The following NRXN1 variants were observed in gnomAD, a reference collection of about 807,000 sequenced individuals.
The protein encoded by NRXN1 is neurexin 1.
In NRXN1, 39 loss-of-function variants were observed where a neutral mutation model predicts 150.9. The ratio of observed to expected loss-of-function variants is 0.26; its 90% confidence interval spans 0.20 to 0.34. NRXN1 has a LOEUF of 0.34. Among genes scored for constraint, NRXN1 ranks in the 10% least tolerant of loss-of-function variants. The probability of loss-of-function intolerance (pLI) is 1.00; values close to 1 mark genes in which losing one functional copy is unlikely to be tolerated. For synonymous variants in NRXN1, 924 were observed against 757.0 expected (o/e 1.22, Z -3.62); for missense variants, 1,815 against 1,949.9 (o/e 0.93, Z 1.30).
intron 8 of NRXN1, among the ~76,000 whole-genome samples, chr2:50,618,211 C>T (rs1679355063): frequency 6.6e-6 from 1 of 152,068 alleles, no homozygotes; most frequent in African/African-American, 2.4e-5. Flanking sequence ...ACTTTCCATC[C>T]CTAGAATGGA....
At chr2:50,161,042 G>A (rs2059334334) in intron 18 of NRXN1, among the ~76,000 whole-genome samples, 1 of 151,988 alleles carries the variant, frequency 6.6e-6, no homozygotes, top group African/African-American at 2.4e-5. Flanking sequence ...CATTTTAGGG[G>A]AACAATTATA....
At chr2:50,318,136 G>A (rs1035884487) in intron 17 of NRXN1, among the ~76,000 whole-genome samples, 7 of 151,704 alleles carry the variant, frequency 4.6e-5, no homozygotes, top group African/African-American at 1.7e-4. Context: ...AATCTAATAG[G>A]AAAAAAATGG....
chr2:50,392,017 AACTT>A (rs1462146697), intron 17 of NRXN1, among the ~76,000 whole-genome samples: 6 of 152,116 alleles, frequency 3.9e-5, no homozygotes, highest in South Asian at 2.1e-4. Context: ...CAGATTATGA[AACTT>A]ACTTATTAAT....
chr2:50,621,566 G>A (rs1321851103), intron 6 of NRXN1, among the ~76,000 whole-genome samples: 1 of 152,080 alleles, frequency 6.6e-6, no homozygotes, highest in Non-Finnish European at 1.5e-5. Flanking sequence ...TTGTCTTCCT[G>A]AGTACATCTG....
intron 21 of NRXN1, among the ~76,000 whole-genome samples, chr2:49,982,942 G>T (rs902674907): frequency 1.3e-5 from 2 of 151,998 alleles, no homozygotes; most frequent in African/African-American, 4.8e-5. Flanking sequence ...TCTCAAGCAT[G>T]CTATGTTCTA....
At chr2:50,534,590 T>C (rs989418474) in intron 10 of NRXN1, among the ~76,000 whole-genome samples, 9 of 152,164 alleles carry the variant, frequency 5.9e-5, no homozygotes, top group Non-Finnish European at 1.2e-4. Context: ...AGAAATTTGA[T>C]CTTTACTTTT....
chr2:50,687,421 C>T (rs961263671), intron 5 of NRXN1, among the ~76,000 whole-genome samples: 3 of 152,016 alleles, frequency 2.0e-5, no homozygotes, highest in African/African-American at 4.8e-5. Flanking sequence ...CATTACTGTA[C>T]CATGTGGTTA....
At chr2:50,359,717 G>T (rs369753668) in intron 17 of NRXN1, among the ~76,000 whole-genome samples, 2 of 152,142 alleles carry the variant, frequency 1.3e-5, no homozygotes, top group Middle Eastern at 3.4e-3. Context: ...TGCCCAACCC[G>T]CAAGACAGGC....
chr2:50,830,450 A>G (rs2105884447), intron 5 of NRXN1, among the ~76,000 whole-genome samples: 1 of 152,096 alleles, frequency 6.6e-6, no homozygotes. Context: ...AAGCTAATTT[A>G]AAAGCACTTG....
chr2:50,250,440 T>G (rs1279144672), intron 17 of NRXN1, among the ~76,000 whole-genome samples: 13 of 152,080 alleles, frequency 8.5e-5, no homozygotes, highest in African/African-American at 2.9e-4. Context: ...TTAATATTTT[T>G]TTTTTTTAGC....
intron 18 of NRXN1, among the ~76,000 whole-genome samples, chr2:50,152,480 A>C (rs1360403965): frequency 6.6e-6 from 1 of 151,796 alleles, no homozygotes; most frequent in African/African-American, 2.4e-5. Context: ...ACCTGAAATA[A>C]GGCATAGTAA....
At chr2:50,638,751 C>A (rs1203216247) in intron 5 of NRXN1, among the ~76,000 whole-genome samples, 1 of 152,100 alleles carries the variant, frequency 6.6e-6, no homozygotes, top group Non-Finnish European at 1.5e-5. Flanking sequence ...CAGTATATGG[C>A]AAAAATATTT....
In NRXN1 at chr2:50,347,564, G is replaced by C; in HGVS notation, c.3365-110594C>G. 4 of 1,019,888 alleles carry C rather than the reference G, an allele frequency of 3.9e-6. No individual in the cohort carries two copies. Among genetic ancestry groups the C allele is most frequent in the Non-Finnish European group, 3.5e-6 (3 of 850,580 alleles). 63.2% of individuals were successfully genotyped at this position (1,019,888 alleles called of 1,614,324 possible). On this transcript the variant is annotated intron_variant, in intron 17 of 22. Coordinates refer to ENST00000401669, the MANE Select transcript of NRXN1 (RefSeq NM_001330078.2). The surrounding 1 kb of genome is among the most constrained non-coding windows in gnomAD (Gnocchi z 4.9). ...CCCGGGCAGCGCGCGGAGCAGCGGC[G>C]CGCATCGCCTGCTCCCGAGGCAATC...
chr2:50,964,253 T>A (rs1250538685), intron 2 of NRXN1, among the ~76,000 whole-genome samples: 2 of 151,516 alleles, frequency 1.3e-5, no homozygotes, highest in Admixed American at 1.3e-4. Context: ...AGAGTAAAAG[T>A]CAAGTAGTAT....
In NRXN1 at chr2:50,236,674, A is replaced by T. The variant is rs115505509; in HGVS notation, c.3546+115T>A. ...CCTCTAGATTGTATTCATATTTCCT[A>T]TAACAAAGTACTGGTTTCTGGGGGA... On this transcript the variant is annotated intron_variant, in intron 18 of 22. Transcript: ENST00000401669. The T allele has an allele frequency of 2.8e-3, 2,494 of 885,606 alleles. 44 individuals carry two copies. In the African/African-American group the frequency reaches 0.035, roughly 13 times the overall value. The allele number at this position is 885,606 out of a possible 1,614,324, so 54.9% of individuals were successfully genotyped here.
chr2:50,696,943 A>T (rs1321459626), intron 5 of NRXN1, among the ~76,000 whole-genome samples: 2 of 152,160 alleles, frequency 1.3e-5, no homozygotes, highest in African/African-American at 2.4e-5. Flanking sequence ...AACCAGTGGC[A>T]TTGTTAATTT....
At chr2:50,024,684 G>C (rs974461550) in intron 21 of NRXN1, among the ~76,000 whole-genome samples, 1 of 151,780 alleles carries the variant, frequency 6.6e-6, no homozygotes, top group Non-Finnish European at 1.5e-5. Context: ...GTCCGATCTC[G>C]GCTCGCTGCA....
chr2:50,498,437 G>A (rs957718481), intron 13 of NRXN1, among the ~76,000 whole-genome samples: 1 of 152,062 alleles, frequency 6.6e-6, no homozygotes, highest in African/African-American at 2.4e-5. Context: ...CTAATTGAAA[G>A]CTTGCCCAAT....
intron 5 of NRXN1, among the ~76,000 whole-genome samples, chr2:50,666,201 G>A (rs1012865348): frequency 9.2e-5 from 14 of 152,048 alleles, no homozygotes; most frequent in Middle Eastern, 3.4e-3. Context: ...TAATTATTTT[G>A]AGATTCATCT....
Sources: gnomAD v4.1 joint callset for allele counts (sites outside exome capture counted in the v4.1 genomes callset) on GRCh38, gnomAD v4.1.1 for gene constraint, Gnocchi (gnomAD v3.1) non-coding constraint, MANE v1.5 for transcripts, NCBI Gene and HGNC (gene_info 2026-07-23, HGNC 2026-07-21) for gene names.